DENND1A: variants seen among roughly 807,000 people sequenced by gnomAD.
The protein encoded by DENND1A is DENN domain-containing protein 1A.
In DENND1A, 51 loss-of-function variants were observed where a neutral mutation model predicts 113.7. The observed-to-expected ratio is 0.45, with a 90% CI of 0.36 to 0.57. The LOEUF (loss-of-function observed/expected upper bound fraction) is 0.57. Among genes scored for constraint, DENND1A ranks in the 20% least tolerant of loss-of-function variants. DENND1A has a pLI of 0.00. For missense variants in DENND1A, 1,258 were observed against 1,395.9 expected, an observed-to-expected ratio of 0.90 and a Z score of 1.57; for synonymous variants, 565 against 570.8, an observed-to-expected ratio of 0.99 and a Z score of 0.14.
intron 1 of DENND1A, among the ~76,000 whole-genome samples, chr9:123,897,949 A>T (rs1291467278): frequency 6.6e-6 from 1 of 151,752 alleles, no homozygotes; most frequent in Admixed American, 6.6e-5. Context: ...CAAGCGGAAA[A>T]AAAAAAAAAA....
intron 19 of DENND1A, among the ~76,000 whole-genome samples, chr9:123,429,012 A>G (rs1282415183): frequency 6.6e-6 from 1 of 152,222 alleles, no homozygotes; most frequent in Non-Finnish European, 1.5e-5. Context: ...ACTACCATTG[A>G]CATTCTTCAC....
At chr9:123,771,821 C>T (rs1477382052) in intron 3 of DENND1A, among the ~76,000 whole-genome samples, 1 of 151,780 alleles carries the variant, frequency 6.6e-6, no homozygotes, top group South Asian at 2.1e-4. Flanking sequence ...ACCAGCTTTC[C>T]TTTTTATCTA....
chr9:123,600,900 A>G (rs2059910771), intron 11 of DENND1A, among the ~76,000 whole-genome samples: 1 of 151,958 alleles, frequency 6.6e-6, no homozygotes, highest in East Asian at 1.9e-4. Context: ...TCAGGTCCAT[A>G]TGACTCCAGT....
chr9:123,742,432 G>A (rs529345323), intron 5 of DENND1A, among the ~76,000 whole-genome samples: 1 of 152,320 alleles, frequency 6.6e-6, no homozygotes, highest in East Asian at 1.9e-4. Context: ...AACACAAGCT[G>A]TAAGTAGTAC....
chr9:123,722,186 T>TG (rs2067389395), intron 5 of DENND1A, among the ~76,000 whole-genome samples: 1 of 152,242 alleles, frequency 6.6e-6, no homozygotes, highest in Non-Finnish European at 1.5e-5. Flanking sequence ...ATTTTGCTCC[T>TG]GCTTTAGAGA....
chr9:123,531,554 TACACACACACACACAC>T (rs57819030), intron 13 of DENND1A, among the ~76,000 whole-genome samples: 14 of 103,192 alleles, frequency 1.4e-4, no homozygotes, highest in Admixed American at 2.0e-4. Flanking sequence ...CCTCTCTCTC[TACACACACACACACAC>T]ACACACACAC....
intron 13 of DENND1A, among the ~76,000 whole-genome samples, chr9:123,533,390 T>G (rs2055484390): frequency 6.6e-6 from 1 of 152,228 alleles, no homozygotes; most frequent in African/African-American, 2.4e-5. Flanking sequence ...AACATGGCTA[T>G]GGAATCCATG....
At chr9:123,416,185 A>T (rs1264121460) in intron 19 of DENND1A, among the ~76,000 whole-genome samples, 3 of 151,776 alleles carry the variant, frequency 2.0e-5, no homozygotes, top group African/African-American at 7.3e-5. Context: ...CTCCCATCTG[A>T]CTCAGCTCTG....
intron 13 of DENND1A, among the ~76,000 whole-genome samples, chr9:123,513,005 A>G (rs1317228587): frequency 6.6e-6 from 1 of 152,278 alleles, no homozygotes; most frequent in African/African-American, 2.4e-5. Flanking sequence ...TCTGGAAGCC[A>G]GAAAAAGAGA....
chr9:123,401,432 C>T, intron 21 of DENND1A: 1 of 1,045,232 alleles, frequency 9.6e-7, no homozygotes, highest in Non-Finnish European at 1.2e-6. Flanking sequence ...AACAACTTCC[C>T]CTTCCTCGTT....
chr9:123,916,489 C>G (rs1564501793), intron 1 of DENND1A, among the ~76,000 whole-genome samples: 1 of 151,528 alleles, frequency 6.6e-6, no homozygotes, highest in African/African-American at 2.4e-5. Context: ...TCTCCTGCCT[C>G]AGCCTCCCGA....
chr9:123,754,474 T>C (rs778270561), intron 5 of DENND1A, among the ~76,000 whole-genome samples: 2 of 152,204 alleles, frequency 1.3e-5, no homozygotes, highest in Non-Finnish European at 2.9e-5. Flanking sequence ...ACAATTCATC[T>C]AGGACTCTTT....
intron 1 of DENND1A, among the ~76,000 whole-genome samples, chr9:123,887,744 G>A (rs1263341440): frequency 4.6e-5 from 7 of 152,042 alleles, no homozygotes; most frequent in African/African-American, 1.7e-4. Context: ...AGAAAGCAAG[G>A]TGAAGAAGGA....
intron 5 of DENND1A, among the ~76,000 whole-genome samples, chr9:123,697,953 TCTTA>T (rs1468963888): frequency 1.3e-5 from 2 of 152,356 alleles, no homozygotes; most frequent in South Asian, 2.1e-4. Flanking sequence ...TGGCCTCCTG[TCTTA>T]CTTAGGCCAC....
chr9:123,653,862 A>T (rs1253870865), intron 8 of DENND1A, among the ~76,000 whole-genome samples: 1 of 151,828 alleles, frequency 6.6e-6, no homozygotes, highest in Non-Finnish European at 1.5e-5. Context: ...AACAAGCTTG[A>T]GACAGGCATT....
intron 5 of DENND1A, among the ~76,000 whole-genome samples, chr9:123,719,525 G>A (rs1243946391): frequency 6.6e-6 from 1 of 152,188 alleles, no homozygotes; most frequent in African/African-American, 2.4e-5. Flanking sequence ...AGACTCTGCT[G>A]CTATTATTAA....
chr9:123,415,232 A>G (rs2044628604), intron 19 of DENND1A, among the ~76,000 whole-genome samples: 1 of 152,150 alleles, frequency 6.6e-6, no homozygotes, highest in African/African-American at 2.4e-5. Context: ...CCCTTCTGAC[A>G]CTCGGGGAGT....
chr9:123,468,954 G>A (rs1156939779), intron 13 of DENND1A, among the ~76,000 whole-genome samples: 1 of 152,224 alleles, frequency 6.6e-6, no homozygotes, highest in Non-Finnish European at 1.5e-5. Flanking sequence ...GCCCATACAG[G>A]TGAAGCACAT....
chr9:123,815,915 T>C (rs952896557), intron 2 of DENND1A, among the ~76,000 whole-genome samples: 1 of 151,412 alleles, frequency 6.6e-6, no homozygotes, highest in Admixed American at 6.6e-5. Context: ...TACAGCTACA[T>C]GTTCAAAGAG....
Sources: gnomAD v4.1 joint callset for allele counts (sites outside exome capture counted in the v4.1 genomes callset) on GRCh38, gnomAD v4.1.1 for gene constraint, MANE v1.5 for transcripts, NCBI Gene and HGNC (gene_info 2026-07-23, HGNC 2026-07-21) for gene names.